CORO2B: variants seen among roughly 807,000 people sequenced by gnomAD.
CORO2B encodes coronin-2B.
CORO2B carries 26 observed loss-of-function variants against 58.8 expected under a neutral mutation model. That is an observed-to-expected ratio of 0.44 (90% confidence interval 0.32 to 0.61). CORO2B has a LOEUF of 0.61. Among genes scored for constraint, CORO2B ranks in the 20% least tolerant of loss-of-function variants. The pLI, the probability that CORO2B is intolerant of heterozygous loss-of-function variation, is 0.04. For synonymous variants in CORO2B, 242 were observed against 253.8 expected (o/e 0.95, Z 0.44); for missense variants, 460 against 645.1 (o/e 0.71, Z 3.11).
intron 1 of CORO2B, among the ~76,000 whole-genome samples, chr15:68,644,673 T>A (rs1595986122): frequency 6.6e-6 from 1 of 151,818 alleles, no homozygotes; most frequent in South Asian, 2.1e-4. Context: ...GGATGGGGGG[T>A]TGCCTTCTTG....
chr15:68,561,712 C>A, the CORO2B span, among the ~76,000 whole-genome samples: 2 of 152,194 alleles, frequency 1.3e-5, no homozygotes, highest in African/African-American at 4.8e-5. Context: ...TGTCTGTTAT[C>A]GTGTACAGGA....
At chr15:68,687,752 G>A (rs540139804) in intron 2 of CORO2B, among the ~76,000 whole-genome samples, 11 of 152,232 alleles carry the variant, frequency 7.2e-5, no homozygotes, top group Non-Finnish European at 1.3e-4. Context: ...ATCTGGCAAC[G>A]GCCTTCCTGC....
chr15:68,684,226 T>C (rs1031306007), intron 2 of CORO2B, among the ~76,000 whole-genome samples: 1 of 152,116 alleles, frequency 6.6e-6, no homozygotes, highest in Non-Finnish European at 1.5e-5. Flanking sequence ...CCCAGGAGAT[T>C]ACACTTTTGG....
chr15:68,604,564 C>T lies in CORO2B; in HGVS notation c.15+25287C>T, dbSNP rs529355840. ...CATGGCTAGAATATGTGTGTGTCCT[C>T]CCCAGAGGACCACTCTGGAAAGGCT... is the stretch of plus-strand genomic sequence containing the variant. On this transcript the variant is annotated intron_variant, in intron 1 of 11. Coordinates refer to ENST00000261861, the MANE Select transcript of CORO2B (RefSeq NM_006091.5). 1.2e-4 allele frequency among the ~76,000 whole-genome samples: 18 copies of T among 151,592 alleles called. 1 individual carries two copies. The South Asian group carries it at 3.1e-3, about 26-fold the overall frequency.
chr15:68,521,867 A>C, the CORO2B span, among the ~76,000 whole-genome samples: 1 of 151,600 alleles, frequency 6.6e-6, no homozygotes, highest in Non-Finnish European at 1.5e-5. Context: ...TAGGAATTTG[A>C]GACTAGCCTG....
chr15:68,539,024 A>G, the CORO2B span, among the ~76,000 whole-genome samples: 1 of 152,234 alleles, frequency 6.6e-6, no homozygotes, highest in East Asian at 1.9e-4. Flanking sequence ...TTTGTGTCAA[A>G]ATTCAAATGT....
chr15:68,543,562 A>G, the CORO2B span, among the ~76,000 whole-genome samples: 2 of 152,170 alleles, frequency 1.3e-5, no homozygotes, highest in East Asian at 3.9e-4. Flanking sequence ...GTCTTGTGAG[A>G]ATAACTAAAA....
At position 68,708,357 on chromosome 15, in the gene CORO2B, CTTTTTTTTTTTTTTTT is replaced by C. The variant is rs921103212; in HGVS notation, c.334-2369_334-2354del. Among the ~76,000 whole-genome samples the C allele has an allele frequency of 1.5e-3, 170 of 114,966 alleles. 1 individual carries two copies. The highest frequency in any genetic ancestry group is 2.4e-3 in the Admixed American group (26 of 10,638). The allele number at this position is 114,966 out of a possible 152,430, so 75.4% of individuals were successfully genotyped here. A position where few individuals can be genotyped will look rare whatever the true frequency, so the allele number is the denominator to read the frequency against. Reference sequence around the variant, plus strand: ...CTGCCTTTGGCTTTCTTTTTTTCTTCTTTTTTTTTTTTTTTTTTTTTGAGATGGAGTCTTGCTCTGT... The same window carrying C: ...CTGCCTTTGGCTTTCTTTTTTTCTTCTTTTTGAGATGGAGTCTTGCTCTGT... On this transcript the variant is annotated intron_variant, in intron 3 of 11. Transcript: ENST00000261861.
At chr15:68,705,196 A>C (rs1892753515) in intron 3 of CORO2B, among the ~76,000 whole-genome samples, 1 of 152,150 alleles carries the variant, frequency 6.6e-6, no homozygotes, top group South Asian at 2.1e-4. Flanking sequence ...TGTGCAGATG[A>C]AGGCCAGGTA....
chr15:68,552,461 G>A, the CORO2B span, among the ~76,000 whole-genome samples: 1 of 126,794 alleles, frequency 7.9e-6, no homozygotes, highest in Admixed American at 7.7e-5. Flanking sequence ...CATGGCCATA[G>A]GAGGACGCGG....
chr15:68,693,030 C>G (rs1420812500), intron 2 of CORO2B, among the ~76,000 whole-genome samples: 1 of 152,236 alleles, frequency 6.6e-6, no homozygotes, highest in Non-Finnish European at 1.5e-5. Context: ...CCATTTGTAA[C>G]TGATATCAAC....
At chr15:68,638,138 G>A (rs1901092229) in intron 1 of CORO2B, among the ~76,000 whole-genome samples, 2 of 152,286 alleles carry the variant, frequency 1.3e-5, no homozygotes, top group South Asian at 4.2e-4. Context: ...AGGCTGCCAG[G>A]GAGCAGGCCC....
At chr15:68,716,308 C>T (rs1370547735) in intron 8 of CORO2B, among the ~76,000 whole-genome samples, 1 of 152,208 alleles carries the variant, frequency 6.6e-6, no homozygotes, top group African/African-American at 2.4e-5. Context: ...GTCTCAGTTT[C>T]CTCATCTGTA....
In CORO2B at chr15:68,725,800, C is replaced by G. The variant is rs539353655; in HGVS notation, c.1312-43C>G. ...CTGGGAAATCCTTGTCTCACCTGCTCTCTCCTGGGCCCTCCTTGGCCCCCT... is the reference window on the plus strand; with the variant it reads ...CTGGGAAATCCTTGTCTCACCTGCTGTCTCCTGGGCCCTCCTTGGCCCCCT... On this transcript the variant is annotated intron_variant, in intron 11 of 11. Transcript: ENST00000261861. The G allele has an allele frequency of 1.8e-4, 290 of 1,608,258 alleles. 7 individuals carry two copies. In the South Asian group the frequency reaches 2.9e-3, roughly 16 times the overall value.
chr15:68,700,899 G>A (rs1892627176), intron 3 of CORO2B, among the ~76,000 whole-genome samples: 1 of 151,984 alleles, frequency 6.6e-6, no homozygotes, highest in African/African-American at 2.4e-5. Context: ...CTTGCTGGTG[G>A]GCCGAGCTCC....
the CORO2B span, among the ~76,000 whole-genome samples, chr15:68,540,770 AAAACACACACAC>A: frequency 3.3e-5 from 5 of 152,322 alleles, no homozygotes; most frequent in South Asian, 1.0e-3. Context: ...CATGGTGGTT[AAAACACACACAC>A]AAACACACAC....
At chr15:68,528,160 T>G in the CORO2B span, among the ~76,000 whole-genome samples, 2 of 152,182 alleles carry the variant, frequency 1.3e-5, no homozygotes, top group African/African-American at 4.8e-5. Flanking sequence ...GGATAGGATC[T>G]TTAGGACAAT....
intron 2 of CORO2B, among the ~76,000 whole-genome samples, chr15:68,690,964 T>G (rs1452119268): frequency 6.6e-6 from 1 of 151,494 alleles, no homozygotes; most frequent in Non-Finnish European, 1.5e-5. Context: ...TAGCCTACAT[T>G]AGCTTTCTCA....
At chr15:68,554,824 G>T in the CORO2B span, among the ~76,000 whole-genome samples, 1 of 152,318 alleles carries the variant, frequency 6.6e-6, no homozygotes, top group Non-Finnish European at 1.5e-5. Flanking sequence ...CAAACTCCAG[G>T]GCTGCAGGAA....
Sources: gnomAD v4.1 joint callset for allele counts (sites outside exome capture counted in the v4.1 genomes callset) on GRCh38, gnomAD v4.1.1 for gene constraint, MANE v1.5 for transcripts, NCBI Gene and HGNC (gene_info 2026-07-23, HGNC 2026-07-21) for gene names.